SNTB2: variants seen among roughly 807,000 people sequenced by gnomAD.
SNTB2 encodes the protein beta-2-syntrophin.
A neutral mutation model predicts 46.2 loss-of-function variants in SNTB2; 34 were observed. That is an observed-to-expected ratio of 0.74 (90% CI 0.56 to 0.98). The LOEUF (loss-of-function observed/expected upper bound fraction) is 0.98, where lower values mean the gene tolerates loss of function less well. Ranked by LOEUF, SNTB2 falls within the 50% of genes least tolerant of loss-of-function variation. The pLI, the probability that SNTB2 is intolerant of heterozygous loss-of-function variation, is 0.00. For missense variants in SNTB2, 603 were observed against 731.4 expected, an observed-to-expected ratio of 0.82 and a Z score of 2.02; for synonymous variants, 290 against 312.6, an observed-to-expected ratio of 0.93 and a Z score of 0.76.
Position 69,231,268 on chromosome 16 carries a change from A to G in SNTB2, c.581-14334A>G, listed in dbSNP as rs919324940. ...GCAGTGCTGCTTTTTAGGGGAGAGA[A>G]GTATAAAGCGTAGAATTGACTTTTA... On this transcript the variant is annotated intron_variant, in intron 1 of 6. Coordinates refer to ENST00000336278, the MANE Select transcript of SNTB2 (RefSeq NM_006750.4). 7 of 152,264 alleles carry G rather than the reference A, an allele frequency of 4.6e-5. No individual in the cohort carries two copies. In the East Asian group the frequency reaches 1.2e-3, roughly 25 times the overall value. 9.4% of individuals were successfully genotyped at this position (152,264 alleles called of 1,614,324 possible).
Position 69,240,077 on chromosome 16 carries a change from T to C in SNTB2, c.581-5525T>C, listed in dbSNP as rs567046423. On this transcript the variant is annotated intron_variant, in intron 1 of 6. Coordinates refer to ENST00000336278, the MANE Select transcript of SNTB2 (RefSeq NM_006750.4). ...CAGCTGTGGTACTTACGAATAGAGC[T>C]GCTAAGAACATTAGTGTACAGGCTT... Among the ~76,000 whole-genome samples, 24 of 152,340 alleles carry C rather than the reference T, an allele frequency of 1.6e-4. No homozygotes were observed. In the South Asian group the frequency reaches 4.6e-3, roughly 29 times the overall value.
chr16:69,206,167 A>T (rs1378918113), intron 1 of SNTB2, among the ~76,000 whole-genome samples: 1 of 152,076 alleles, frequency 6.6e-6, no homozygotes, highest in Admixed American at 6.6e-5. Context: ...GCTAATTAAA[A>T]AAAGTTTTTT....
chr16:69,217,398 C>A (rs1219403611), intron 1 of SNTB2, among the ~76,000 whole-genome samples: 3 of 152,070 alleles, frequency 2.0e-5, no homozygotes, highest in African/African-American at 7.2e-5. Context: ...TGCTTGAACC[C>A]AGGACATTGA....
intron 2 of SNTB2, among the ~76,000 whole-genome samples, chr16:69,257,414 C>CTTATTTAT (rs35232643): frequency 1.2e-3 from 174 of 142,372 alleles, no homozygotes; most frequent in Middle Eastern, 7.1e-3. Flanking sequence ...GTTCATGACT[C>CTTATTTAT]TTATTTATTT....
intron 5 of SNTB2, among the ~76,000 whole-genome samples, chr16:69,297,904 A>T (rs1965243189): frequency 6.6e-6 from 1 of 152,092 alleles, no homozygotes; most frequent in African/African-American, 2.4e-5. Flanking sequence ...ACAGAAGGAG[A>T]TTCCATCTCA....
chr16:69,256,378 T>C (rs1342375254), intron 2 of SNTB2, among the ~76,000 whole-genome samples: 1 of 152,134 alleles, frequency 6.6e-6, no homozygotes, highest in Non-Finnish European at 1.5e-5. Context: ...CATTTTTAAG[T>C]GTACAGGTCA....
chr16:69,206,616 G>A (rs1323522283), intron 1 of SNTB2, among the ~76,000 whole-genome samples: 1 of 150,896 alleles, frequency 6.6e-6, no homozygotes, highest in Non-Finnish European at 1.5e-5. Flanking sequence ...GCTTGAACCT[G>A]GAAGGTGGAG....
intron 1 of SNTB2, among the ~76,000 whole-genome samples, chr16:69,198,447 T>G (rs1275418703): frequency 6.6e-6 from 1 of 152,164 alleles, no homozygotes; most frequent in African/African-American, 2.4e-5. Context: ...AGAAATGTCT[T>G]CATTGCACGT....
At chr16:69,295,230 ATTTTTTTTTTTTT>A (rs1160903028) in intron 5 of SNTB2, among the ~76,000 whole-genome samples, 4 of 81,934 alleles carry the variant, frequency 4.9e-5, no homozygotes, top group South Asian at 4.7e-4. Flanking sequence ...AACATACTGA[ATTTTTTTTTTTTT>A]TTTTTTTTTT....
chr16:69,284,583 G>T (rs1447332680), intron 5 of SNTB2, among the ~76,000 whole-genome samples: 2 of 151,336 alleles, frequency 1.3e-5, no homozygotes, highest in Non-Finnish European at 2.9e-5. Context: ...CAACCAGCCT[G>T]GGCAATACAG....
At chr16:69,273,772 A>T (rs1964960729) in intron 4 of SNTB2, among the ~76,000 whole-genome samples, 2 of 152,188 alleles carry the variant, frequency 1.3e-5, no homozygotes, top group South Asian at 4.1e-4. Context: ...ACTAAGACTG[A>T]TTCCTAATAA....
chr16:69,273,157 C>A (rs1466934224), intron 4 of SNTB2, among the ~76,000 whole-genome samples: 1 of 152,178 alleles, frequency 6.6e-6, no homozygotes, highest in Non-Finnish European at 1.5e-5. Flanking sequence ...TGTATACTTG[C>A]TGTGCAAGGC....
chr16:69,258,569 C>T (rs550694806), intron 2 of SNTB2, among the ~76,000 whole-genome samples: 3 of 148,146 alleles, frequency 2.0e-5, no homozygotes, highest in Non-Finnish European at 4.5e-5. Context: ...TCAAATTTTA[C>T]AGAGTAATAA....
At chr16:69,225,564 A>G (rs1351059491) in intron 1 of SNTB2, among the ~76,000 whole-genome samples, 3 of 152,220 alleles carry the variant, frequency 2.0e-5, no homozygotes, top group African/African-American at 4.8e-5. Flanking sequence ...AATTATGTGT[A>G]ACATTGTATT....
intron 1 of SNTB2, among the ~76,000 whole-genome samples, chr16:69,190,019 A>G (rs1261758168): frequency 6.6e-6 from 1 of 152,212 alleles, no homozygotes; most frequent in Non-Finnish European, 1.5e-5. Flanking sequence ...TAGATTTACG[A>G]CATTGCATTT....
At chr16:69,210,629 C>G (rs1567398144) in intron 1 of SNTB2, among the ~76,000 whole-genome samples, 1 of 152,028 alleles carries the variant, frequency 6.6e-6, no homozygotes, top group Non-Finnish European at 1.5e-5. Flanking sequence ...TCTAGGGATC[C>G]TCCCACCTCA....
chr16:69,277,564 CTTG>C (rs530097099), intron 4 of SNTB2, among the ~76,000 whole-genome samples: 159 of 152,292 alleles, frequency 1.0e-3, no homozygotes, highest in African/African-American at 3.8e-3. Flanking sequence ...TACCAAACCA[CTTG>C]TTGAGTTTTG....
At chr16:69,217,029 T>C (rs1430754804) in intron 1 of SNTB2, among the ~76,000 whole-genome samples, 1 of 151,432 alleles carries the variant, frequency 6.6e-6, no homozygotes, top group Non-Finnish European at 1.5e-5. Flanking sequence ...CCCTGATCAT[T>C]TTTTTTTTAA....
chr16:69,295,319 T>C (rs1048370519), intron 5 of SNTB2, among the ~76,000 whole-genome samples: 1 of 141,466 alleles, frequency 7.1e-6, no homozygotes, highest in Non-Finnish European at 1.5e-5. Context: ...TCTTGATCTC[T>C]GCTCACTACA....
Sources: gnomAD v4.1 joint callset for allele counts (sites outside exome capture counted in the v4.1 genomes callset) on GRCh38, gnomAD v4.1.1 for gene constraint, MANE v1.5 for transcripts, NCBI Gene and HGNC (gene_info 2026-07-23, HGNC 2026-07-21) for gene names.